Variants in MRPS27 observed in about 807,000 individuals in gnomAD.
MRPS27 encodes the protein small ribosomal subunit protein mS27.
Under a neutral mutation model 48.9 loss-of-function variants are expected in MRPS27, and 43 were observed. That is an observed-to-expected ratio of 0.88 (90% CI 0.69 to 1.13). The LOEUF (loss-of-function observed/expected upper bound fraction) is 1.13, where lower values mean the gene tolerates loss of function less well. Among genes scored for constraint, MRPS27 ranks in the 50% most tolerant of loss-of-function variants. The probability of loss-of-function intolerance (pLI) is 0.00; values close to 1 mark genes in which losing one functional copy is unlikely to be tolerated. For missense variants in MRPS27, 467 were observed against 476.3 expected (o/e 0.98, Z 0.18); for synonymous variants, 188 against 171.9 (o/e 1.09, Z -0.73).
chr5:72,266,478 G>C (rs188230306), intron 4 of MRPS27, among the ~76,000 whole-genome samples: 1 of 152,332 alleles, frequency 6.6e-6, no homozygotes, highest in Admixed American at 6.5e-5. Context: ...CATGCTCTAC[G>C]TATCTACTGG....
At chr5:72,253,920 C>T (rs1483320583) in intron 4 of MRPS27, among the ~76,000 whole-genome samples, 3 of 152,078 alleles carry the variant, frequency 2.0e-5, no homozygotes, top group African/African-American at 7.2e-5. Flanking sequence ...TGTAATGTTG[C>T]AGCAATTTCC....
Position 72,307,742 on chromosome 5 carries a change from G to A in MRPS27, c.151+6339C>T, listed in dbSNP as rs986038864. ...CCTTTGGAGAGACTAAGTGGGGGCCGCAATAAGGGCTTCTGGAGCGGTAGG... is the reference window on the plus strand; with the variant it reads ...CCTTTGGAGAGACTAAGTGGGGGCCACAATAAGGGCTTCTGGAGCGGTAGG... On this transcript the variant is annotated intron_variant, in intron 2 of 10. Transcript: ENST00000261413. Among the ~76,000 whole-genome samples, 4 of 152,076 alleles carry A rather than the reference G, an allele frequency of 2.6e-5. No individual in the cohort carries two copies. In the East Asian group the frequency reaches 7.7e-4, roughly 29 times the overall value.
intron 2 of MRPS27, among the ~76,000 whole-genome samples, chr5:72,307,446 A>G (rs1750303295): frequency 6.6e-6 from 1 of 152,266 alleles, no homozygotes; most frequent in Non-Finnish European, 1.5e-5. Context: ...TTTAGGTGTG[A>G]TAATGGTATT....
intron 1 of MRPS27, among the ~76,000 whole-genome samples, chr5:72,318,768 TG>T (rs1341118042): frequency 1.5e-5 from 2 of 135,572 alleles, no homozygotes; most frequent in East Asian, 2.3e-4. Context: ...CACTCTAACC[TG>T]GGCAACAAGA....
intron 2 of MRPS27, among the ~76,000 whole-genome samples, chr5:72,300,892 AAAAAT>A (rs1233054380): frequency 6.6e-6 from 1 of 152,202 alleles, no homozygotes; most frequent in African/African-American, 2.4e-5. Context: ...CTCTTACACT[AAAAAT>A]AAAATCCATA....
At chr5:72,287,375 C>T (rs1288489052) in intron 4 of MRPS27, among the ~76,000 whole-genome samples, 3 of 152,164 alleles carry the variant, frequency 2.0e-5, no homozygotes, top group Non-Finnish European at 4.4e-5. Context: ...TATGGTGGCT[C>T]ATGCCTGTAA....
intron 4 of MRPS27, among the ~76,000 whole-genome samples, chr5:72,282,533 A>G (rs1749557739): frequency 6.6e-6 from 1 of 152,164 alleles, no homozygotes; most frequent in Non-Finnish European, 1.5e-5. Flanking sequence ...TTTCAATAAA[A>G]GGGGTTTATA....
At chr5:72,264,761 C>T (rs1200842914) in intron 4 of MRPS27, among the ~76,000 whole-genome samples, 1 of 152,236 alleles carries the variant, frequency 6.6e-6, no homozygotes, top group Non-Finnish European at 1.5e-5. Context: ...CTCTCCTGTA[C>T]AGCCTTCAGG....
intron 4 of MRPS27, among the ~76,000 whole-genome samples, chr5:72,243,356 C>T (rs1008913514): frequency 3.3e-5 from 5 of 152,112 alleles, no homozygotes; most frequent in Admixed American, 6.6e-5. Context: ...TTTCATCCTG[C>T]TGGAAATTCT....
intron 4 of MRPS27, among the ~76,000 whole-genome samples, chr5:72,245,493 C>T (rs554024162): frequency 1.3e-5 from 2 of 151,616 alleles, no homozygotes; most frequent in Admixed American, 6.6e-5. Context: ...TGCAAAATCA[C>T]AAATAATACA....
chr5:72,293,642 C>T (rs1004855500), intron 4 of MRPS27, among the ~76,000 whole-genome samples: 2 of 152,108 alleles, frequency 1.3e-5, no homozygotes, highest in African/African-American at 4.8e-5. Context: ...ATATCCAGCA[C>T]CCAGGAAAGG....
In MRPS27 at chr5:72,276,030, TG is replaced by T. The variant is rs138936529; in HGVS notation, c.281+19500del. On this transcript the variant is annotated intron_variant, in intron 4 of 10. Transcript: ENST00000261413. The stretch of plus-strand genomic sequence containing the variant: ...AAAAAAGGAGAAAAATGTGTGTGTG[TG>T]GGGGGGGTACTATGAATTAAAGAAT... 3.9e-3 allele frequency among the ~76,000 whole-genome samples: 594 copies of T among 150,736 alleles called. 1 individual carries two copies. The highest frequency in any genetic ancestry group is 0.014 in the African/African-American group (563 of 41,052).
intron 4 of MRPS27, among the ~76,000 whole-genome samples, chr5:72,283,157 CAGAT>C (rs1289944940): frequency 6.6e-6 from 1 of 152,162 alleles, no homozygotes; most frequent in African/African-American, 2.4e-5. Context: ...TTCAAAGCTA[CAGAT>C]CAAAGTGGGG....
At chr5:72,272,206 GT>G (rs1749267027) in intron 4 of MRPS27, among the ~76,000 whole-genome samples, 1 of 152,138 alleles carries the variant, frequency 6.6e-6, no homozygotes, top group South Asian at 2.1e-4. Context: ...GCCAAGAATC[GT>G]TTTTACATTT....
chr5:72,222,737 G>C (rs964894602), intron 10 of MRPS27, among the ~76,000 whole-genome samples: 1 of 152,120 alleles, frequency 6.6e-6, no homozygotes, highest in African/African-American at 2.4e-5. Flanking sequence ...AATTCTCTGG[G>C]TACCTTGGGA....
intron 4 of MRPS27, among the ~76,000 whole-genome samples, chr5:72,244,146 TG>T (rs1400719247): frequency 6.6e-6 from 1 of 152,212 alleles, no homozygotes; most frequent in Non-Finnish European, 1.5e-5. Flanking sequence ...GTTTTTTTTT[TG>T]AGCCCTACAT....
chr5:72,228,548 AATATAG>A (rs1210078885), intron 7 of MRPS27, 180 bp from the exon 8 acceptor site: 1 of 447,864 alleles, frequency 2.2e-6, no homozygotes, highest in East Asian at 3.3e-5. Flanking sequence ...GTCAAAGAAA[AATATAG>A]GAAAGAAATA....
intron 2 of MRPS27, among the ~76,000 whole-genome samples, chr5:72,302,872 CTT>C (rs992627475): frequency 6.6e-4 from 100 of 152,336 alleles, no homozygotes; most frequent in Middle Eastern, 3.4e-3. Context: ...AAAGGTAAAA[CTT>C]ATCACTACAA....
chr5:72,248,460 A>G (rs1403328574), intron 4 of MRPS27, among the ~76,000 whole-genome samples: 2 of 152,198 alleles, frequency 1.3e-5, no homozygotes, highest in Non-Finnish European at 2.9e-5. Context: ...TGGCCCAGAA[A>G]GAGGGAATGA....
Sources: gnomAD v4.1 joint callset for allele counts (sites outside exome capture counted in the v4.1 genomes callset) on GRCh38, gnomAD v4.1.1 for gene constraint, MANE v1.5 for transcripts, NCBI Gene and HGNC (gene_info 2026-07-23, HGNC 2026-07-21) for gene names.